CNTNAP4: variants seen among roughly 807,000 people sequenced by gnomAD.
CNTNAP4 encodes the protein contactin associated protein family member 4.
A neutral mutation model predicts 148.4 loss-of-function variants in CNTNAP4; 98 were observed. That is an observed-to-expected ratio of 0.66 (90% confidence interval 0.56 to 0.78). The LOEUF (loss-of-function observed/expected upper bound fraction) is 0.78, where lower values mean the gene tolerates loss of function less well. Among genes scored for constraint, CNTNAP4 ranks in the 30% least tolerant of loss-of-function variants. The pLI is 0.00. For missense variants in CNTNAP4, 1,935 were observed against 1,565.6 expected, an observed-to-expected ratio of 1.24 and a Z score of -3.98; for synonymous variants, 730 against 565.1, an observed-to-expected ratio of 1.29 and a Z score of -4.14.
chr16:76,289,564 A>C (rs1959028234), intron 1 of CNTNAP4, among the ~76,000 whole-genome samples: 1 of 149,010 alleles, frequency 6.7e-6, no homozygotes, highest in African/African-American at 2.5e-5. Context: ...TGAGTTCCAA[A>C]CTTTTATTTT....
intron 3 of CNTNAP4, among the ~76,000 whole-genome samples, chr16:76,367,857 G>A (rs371725406): frequency 1.6e-4 from 25 of 152,186 alleles, no homozygotes; most frequent in African/African-American, 5.5e-4. Flanking sequence ...TAACTTCTCA[G>A]GGATACTTGC....
intron 12 of CNTNAP4, among the ~76,000 whole-genome samples, chr16:76,483,571 G>C (rs1356531310): frequency 6.6e-6 from 1 of 152,094 alleles, no homozygotes; most frequent in Non-Finnish European, 1.5e-5. Flanking sequence ...TTTCTTTCTA[G>C]GGCTCAGTGC....
chr16:76,421,028 C>T (rs1463622909), intron 3 of CNTNAP4, among the ~76,000 whole-genome samples: 1 of 151,946 alleles, frequency 6.6e-6, no homozygotes, highest in Non-Finnish European at 1.5e-5. Context: ...CAATTTATTG[C>T]TGTGTTTCAA....
intron 4 of CNTNAP4, among the ~76,000 whole-genome samples, chr16:76,433,077 G>A (rs2079668829): frequency 6.6e-6 from 1 of 152,064 alleles, no homozygotes; most frequent in Non-Finnish European, 1.5e-5. Context: ...CCACCCACTT[G>A]TAGAACAGCT....
chr16:76,487,692 G>A (rs927088535), intron 12 of CNTNAP4, among the ~76,000 whole-genome samples: 13 of 152,244 alleles, frequency 8.5e-5, no homozygotes, highest in South Asian at 2.1e-4. Context: ...TAAGTGTGGC[G>A]TCTGTTTAAC....
intron 4 of CNTNAP4, among the ~76,000 whole-genome samples, chr16:76,433,711 A>C (rs1427694608): frequency 6.6e-6 from 1 of 152,084 alleles, no homozygotes; most frequent in African/African-American, 2.4e-5. Context: ...AAAGCAATAA[A>C]TTGGTTAGAT....
intron 3 of CNTNAP4, among the ~76,000 whole-genome samples, chr16:76,415,941 TTAAC>T: frequency 9.6e-6 from 1 of 104,424 alleles, no homozygotes; most frequent in Non-Finnish European, 2.4e-5. Flanking sequence ...TTTTTTTTTT[TTAAC>T]TCTGTCTTAT....
chr16:76,334,068 T>C (rs1963797707), intron 2 of CNTNAP4, among the ~76,000 whole-genome samples: 1 of 152,006 alleles, frequency 6.6e-6, no homozygotes, highest in South Asian at 2.1e-4. Context: ...CCTTTGTAGA[T>C]ATACCTAACA....
intron 13 of CNTNAP4, among the ~76,000 whole-genome samples, chr16:76,491,121 C>T (rs1568382407): frequency 6.6e-6 from 1 of 152,086 alleles, no homozygotes; most frequent in Non-Finnish European, 1.5e-5. Flanking sequence ...TGACTGACTG[C>T]CCCCTTGCCC....
Position 76,341,338 on chromosome 16 carries a change from G to A in CNTNAP4, c.197-13980G>A, listed in dbSNP as rs368679615. On this transcript the variant is annotated intron_variant, in intron 2 of 23. Transcript: ENST00000611870. ...TGTTCCATTGAAATGTACAAATTCT[G>A]CCCCCCACCCAGTGACAAGCTGATA... Among the ~76,000 whole-genome samples the A allele has an allele frequency of 4.6e-5, 7 of 152,034 alleles. 2 individuals are homozygous for A. The highest frequency in any genetic ancestry group is 1.7e-4 in the African/African-American group (7 of 41,452).
intron 3 of CNTNAP4, among the ~76,000 whole-genome samples, chr16:76,413,932 T>C (rs2078890935): frequency 6.6e-6 from 1 of 151,298 alleles, no homozygotes; most frequent in Non-Finnish European, 1.5e-5. Flanking sequence ...GACTTTTATC[T>C]AACAGACTTG....
At chr16:76,279,256 C>A (rs1958595950) in intron 1 of CNTNAP4, among the ~76,000 whole-genome samples, 1 of 152,174 alleles carries the variant, frequency 6.6e-6, no homozygotes, top group African/African-American at 2.4e-5. Flanking sequence ...ATCCTTCCCT[C>A]AAGAAAAGCA....
At chr16:76,537,763 T>G (rs1050351497) in intron 18 of CNTNAP4, among the ~76,000 whole-genome samples, 1 of 152,086 alleles carries the variant, frequency 6.6e-6, no homozygotes, top group African/African-American at 2.4e-5. Context: ...TACACTTCAT[T>G]TAAGATTGTA....
intron 8 of CNTNAP4, among the ~76,000 whole-genome samples, chr16:76,457,489 A>T (rs2080779100): frequency 6.6e-6 from 1 of 152,218 alleles, no homozygotes; most frequent in Admixed American, 6.5e-5. Flanking sequence ...GCCAAATTAC[A>T]GAGTGGGTTA....
intron 3 of CNTNAP4, among the ~76,000 whole-genome samples, chr16:76,371,050 C>A (rs550576241): frequency 6.6e-6 from 1 of 152,188 alleles, no homozygotes; most frequent in African/African-American, 2.4e-5. Flanking sequence ...ATTTTTGCCA[C>A]ATAATCGACA....
At chr16:76,342,239 G>C (rs904005728) in intron 2 of CNTNAP4, among the ~76,000 whole-genome samples, 1 of 152,208 alleles carries the variant, frequency 6.6e-6, no homozygotes, top group South Asian at 2.1e-4. Flanking sequence ...TAAAATGCTA[G>C]AAATATTACA....
rs77261611 is a variant in CNTNAP4 at position 76,463,423 on chromosome 16, T to C, written c.1483+1318T>C. ...TTTAACAATGCCTAGCTAGTTGATA[T>C]AAATTTTTACTCTAGTGATTGCTTT... On this transcript the variant is annotated intron_variant, in intron 9 of 23. Coordinates refer to ENST00000611870, the MANE Select transcript of CNTNAP4 (RefSeq NM_033401.5). 8.8e-3 allele frequency among the ~76,000 whole-genome samples: 1,342 copies of C among 152,320 alleles called. 23 individuals carry two copies. The highest frequency in any genetic ancestry group is 0.031 in the African/African-American group (1,275 of 41,578).
intron 3 of CNTNAP4, among the ~76,000 whole-genome samples, chr16:76,420,223 GAATAATGTATATTCTGTAGAATATA>G (rs1568094573): frequency 6.6e-6 from 1 of 150,478 alleles, no homozygotes; most frequent in East Asian, 2.0e-4. Context: ...ATATATATTA[GAATAATGTATATTCTGTAGAATATA>G]TATTAGAATA....
At chr16:76,363,736 C>T (rs554885260) in intron 3 of CNTNAP4, among the ~76,000 whole-genome samples, 1 of 152,202 alleles carries the variant, frequency 6.6e-6, no homozygotes, top group South Asian at 2.1e-4. Flanking sequence ...AACCATGTAT[C>T]TGATAGGGAG....
Sources: allele counts gnomAD v4.1 joint callset (sites outside exome capture counted in the v4.1 genomes callset), GRCh38; gene constraint gnomAD v4.1.1; transcripts MANE v1.5; gene names NCBI Gene and HGNC (gene_info 2026-07-23, HGNC 2026-07-21).